The following EXOC2 variants were observed in gnomAD, a reference collection of about 807,000 sequenced individuals.
The protein encoded by EXOC2 is exocyst complex component 2, also known as SEC5-like 1.
EXOC2 carries 70 observed loss-of-function variants against 131.8 expected under a neutral mutation model. That is an observed-to-expected ratio of 0.53 (90% CI 0.44 to 0.65). The LOEUF (loss-of-function observed/expected upper bound fraction) is 0.65, where lower values mean the gene tolerates loss of function less well. Ranked by LOEUF, EXOC2 falls within the 30% of genes least tolerant of loss-of-function variation. EXOC2 has a pLI of 0.00. For missense variants in EXOC2, 923 were observed against 1,108.6 expected (o/e 0.83, Z 2.38); for synonymous variants, 411 against 398.4 (o/e 1.03, Z -0.38).
intron 21 of EXOC2, among the ~76,000 whole-genome samples, chr6:549,694 A>T (rs1757045821): frequency 6.6e-6 from 1 of 152,242 alleles, no homozygotes; most frequent in Admixed American, 6.5e-5. Context: ...AACTAATTAC[A>T]TTTAAAATGT....
intron 1 of EXOC2, chr6:656,823 A>C (rs1044087110): frequency 1.9e-6 from 3 of 1,609,992 alleles, no homozygotes; most frequent in Non-Finnish European, 2.5e-6. Context: ...CGCGGGGCCG[A>C]AGCACAGGCT....
intron 1 of EXOC2, among the ~76,000 whole-genome samples, chr6:652,010 T>TA (rs1762854706): frequency 6.8e-6 from 1 of 147,794 alleles, no homozygotes; most frequent in Non-Finnish European, 1.5e-5. Context: ...GAGCCAAGAT[T>TA]ACGCCACTGC....
At chr6:656,934 C>T in intron 1 of EXOC2, 1 of 1,521,702 alleles carries the variant, frequency 6.6e-7, no homozygotes, top group Non-Finnish European at 8.8e-7. Flanking sequence ...GATCTTGGCG[C>T]GAAACTTCAT....
chr6:572,661 T>C lies in EXOC2; in HGVS notation c.1319-17A>G. 1.2e-6 allele frequency: 2 copies of C among 1,609,182 alleles called. No homozygotes were observed. Among genetic ancestry groups the C allele is most frequent in the South Asian group, 1.1e-5 (1 of 90,424 alleles). ...ATCTCCACGCTAAGGGGGAAAAGAA[T>C]AAAATACTATGATTGTACTTCTGAA... On this transcript the variant is annotated splice_polypyrimidine_tract_variant and intron_variant, in intron 12 of 27. Coordinates refer to ENST00000230449, the MANE Select transcript of EXOC2 (RefSeq NM_018303.6).
intron 20 of EXOC2, 54 bp from the exon 21 acceptor site, chr6:553,974 A>C (rs1757284318): frequency 1.4e-6 from 2 of 1,400,082 alleles, no homozygotes; most frequent in Non-Finnish European, 2.0e-6. Context: ...AAATTCAAAA[A>C]TGCAATGAAC....
chr6:537,433 C>T (rs917244301), intron 22 of EXOC2, among the ~76,000 whole-genome samples: 2 of 144,136 alleles, frequency 1.4e-5, no homozygotes, highest in Non-Finnish European at 3.0e-5. Flanking sequence ...CATGAGGTGA[C>T]GGCCGACGGA....
At chr6:620,298 G>T (rs899756257) in intron 4 of EXOC2, among the ~76,000 whole-genome samples, 1 of 152,194 alleles carries the variant, frequency 6.6e-6, no homozygotes, top group Non-Finnish European at 1.5e-5. Context: ...TTTGCAGGAT[G>T]AAATCCAAGC....
chr6:562,650 G>A, intron 17 of EXOC2, 134 bp downstream of exon 17: 2 of 513,170 alleles, frequency 3.9e-6, no homozygotes, highest in Non-Finnish European at 6.5e-6. Context: ...ATGTCTCTGA[G>A]AAGAAAACCT....
chr6:551,930 T>TTATA (rs1364938003), intron 21 of EXOC2, among the ~76,000 whole-genome samples: 2 of 152,190 alleles, frequency 1.3e-5, no homozygotes, highest in African/African-American at 4.8e-5. Flanking sequence ...AACATTATTT[T>TTATA]TATATATTTG....
At chr6:671,662 G>A (rs909142421) in intron 1 of EXOC2, among the ~76,000 whole-genome samples, 2 of 152,086 alleles carry the variant, frequency 1.3e-5, no homozygotes, top group Non-Finnish European at 2.9e-5. Context: ...AATTTCGTCT[G>A]GAAAAAGTTT....
intron 22 of EXOC2, among the ~76,000 whole-genome samples, chr6:533,821 C>G (rs1766256987): frequency 6.6e-6 from 1 of 152,128 alleles, no homozygotes; most frequent in African/African-American, 2.4e-5. Flanking sequence ...CAGCACTGGC[C>G]TGAGAGGGAT....
intron 11 of EXOC2, among the ~76,000 whole-genome samples, chr6:582,037 C>A (rs12111382): frequency 6.6e-6 from 1 of 151,938 alleles, no homozygotes; most frequent in Non-Finnish European, 1.5e-5. Flanking sequence ...TGAAACAATC[C>A]TAGTCACTTC....
chr6:597,020 G>A (rs1046443556), intron 10 of EXOC2, among the ~76,000 whole-genome samples: 1 of 152,164 alleles, frequency 6.6e-6, no homozygotes, highest in Non-Finnish European at 1.5e-5. Flanking sequence ...ATCCTGAGAT[G>A]CAGATTTGAT....
intron 21 of EXOC2, among the ~76,000 whole-genome samples, chr6:550,727 C>T (rs1001238151): frequency 6.6e-6 from 1 of 152,232 alleles, no homozygotes; most frequent in African/African-American, 2.4e-5. Context: ...CTGGAGTCAC[C>T]ATGACGCAGT....
chr6:654,936 A>G (rs992563780), intron 1 of EXOC2, among the ~76,000 whole-genome samples: 2 of 151,660 alleles, frequency 1.3e-5, no homozygotes, highest in South Asian at 2.1e-4. Context: ...TTGAGATAGA[A>G]TCTACTCCTG....
intron 11 of EXOC2, among the ~76,000 whole-genome samples, chr6:577,643 C>T (rs1318904605): frequency 2.6e-5 from 4 of 152,164 alleles, no homozygotes; most frequent in Admixed American, 1.3e-4. Context: ...CCTTGTTAGT[C>T]TAAAACACCA....
intron 11 of EXOC2, among the ~76,000 whole-genome samples, chr6:592,191 T>C (rs924703885): frequency 1.3e-5 from 2 of 152,050 alleles, no homozygotes; most frequent in South Asian, 2.1e-4. Flanking sequence ...TGCAGACTGA[T>C]AGTTACCAAA....
intron 1 of EXOC2, among the ~76,000 whole-genome samples, chr6:657,453 G>GA (rs1320569227): frequency 5.3e-5 from 8 of 149,790 alleles, no homozygotes; most frequent in African/African-American, 2.0e-4. Context: ...CCATGCTGGT[G>GA]AAACAAATCT....
chr6:633,113 C>T lies in EXOC2; in HGVS notation c.123G>A (p.Leu41=). The change falls in exon 3 of 28, where the codon TTG becomes TTA. Residue 41 remains leucine (L), a synonymous_variant. Transcript: ENST00000230449. Reference sequence around the variant, plus strand: ...GGAGGCAATTATGTCCACAAATGGTCAAGCCTGAAAATAAACGCATGTGCA... The same window carrying T: ...GGAGGCAATTATGTCCACAAATGGTTAAGCCTGAAAATAAACGCATGTGCA... ...LGTGPTDLIG[L]TICGHNCLLT... 6.2e-7 allele frequency: 1 copy of T among 1,612,602 alleles called. No individual in the cohort carries two copies.
Sources: allele counts gnomAD v4.1 joint callset (sites outside exome capture counted in the v4.1 genomes callset), GRCh38; gene constraint gnomAD v4.1.1; transcripts MANE v1.5; gene names NCBI Gene and HGNC (gene_info 2026-07-23, HGNC 2026-07-21).